The following TTC6 variants were observed in gnomAD, a reference collection of about 807,000 sequenced individuals.
TTC6 encodes the protein tetratricopeptide repeat protein 6.
A neutral mutation model predicts 210.4 loss-of-function variants in TTC6; 172 were observed. The observed-to-expected ratio is 0.82, with a 90% CI of 0.72 to 0.93. The LOEUF is 0.93. Ranked by LOEUF, TTC6 falls within the 40% of genes least tolerant of loss-of-function variation. The probability of loss-of-function intolerance (pLI) is 0.00; values close to 1 mark genes in which losing one functional copy is unlikely to be tolerated. For synonymous variants in TTC6, 804 were observed against 819.6 expected (o/e 0.98, Z 0.32); for missense variants, 2,414 against 2,318.1 (o/e 1.04, Z -0.85).
chr14:37,675,109 G>A (rs551063857), intron 1 of TTC6, among the ~76,000 whole-genome samples: 3 of 151,738 alleles, frequency 2.0e-5, no homozygotes, highest in African/African-American at 7.3e-5. Context: ...CCATCTTACA[G>A]TACACAATTC....
At chr14:37,719,605 A>G (rs778534884) in intron 6 of TTC6, among the ~76,000 whole-genome samples, 17 of 152,174 alleles carry the variant, frequency 1.1e-4, no homozygotes, top group Admixed American at 5.2e-4. Flanking sequence ...ATGGTGTAGG[A>G]TAGTCTTTTC....
chr14:37,768,494 T>C (rs1477533720), intron 14 of TTC6, among the ~76,000 whole-genome samples: 4 of 152,166 alleles, frequency 2.6e-5, no homozygotes, highest in Non-Finnish European at 4.4e-5. Flanking sequence ...TGGTTTGTAG[T>C]TCTCCTTGAA....
At chr14:37,702,165 G>GT (rs2095826704) in intron 5 of TTC6, among the ~76,000 whole-genome samples, 1 of 152,132 alleles carries the variant, frequency 6.6e-6, no homozygotes, top group Admixed American at 6.6e-5. Context: ...ATCTTCAACT[G>GT]TAAGGGAGAA....
At chr14:37,645,097 A>T (rs7144482) in intron 1 of TTC6, among the ~76,000 whole-genome samples, 1,891 of 152,330 alleles carry the variant, frequency 0.012, 34 homozygotes, top group African/African-American at 0.043. Flanking sequence ...AGGGAGTACA[A>T]GTCTGTTTCC....
chr14:37,651,415 ATATATATATATTTTTTTTTTTTTT>A lies in TTC6; in HGVS notation c.939+28414_939+28437del, dbSNP rs1392115715. ...TATATATATATATATATATATATAT[ATATATATATATTTTTTTTTTTTTT>A]TTTTTTTTTTTTTTCCATCCATGAT... is the stretch of plus-strand genomic sequence containing the variant. On this transcript the variant is annotated intron_variant, in intron 1 of 30. Coordinates refer to ENST00000553443, the Ensembl canonical transcript of TTC6. Among the ~76,000 whole-genome samples the A allele has an allele frequency of 9.6e-4, 20 of 20,824 alleles. 1 individual carries two copies. Among genetic ancestry groups the A allele is most frequent in the African/African-American group, 1.3e-3 (5 of 3,930 alleles). 13.7% of individuals were successfully genotyped at this position (20,824 alleles called of 152,430 possible).
chr14:37,786,627 A>G (rs1426939018), intron 14 of TTC6, among the ~76,000 whole-genome samples: 2 of 152,108 alleles, frequency 1.3e-5, no homozygotes, highest in East Asian at 3.9e-4. Flanking sequence ...GGCTGCACCC[A>G]CTGTCCTGCA....
intron 25 of TTC6, among the ~76,000 whole-genome samples, chr14:37,816,303 T>C (rs1371436816): frequency 6.6e-6 from 1 of 152,034 alleles, no homozygotes; most frequent in Admixed American, 6.6e-5. Flanking sequence ...AGCAGAAAAT[T>C]TATCCTACCC....
At chr14:37,667,689 G>C (rs564900462) in intron 1 of TTC6, among the ~76,000 whole-genome samples, 6 of 150,796 alleles carry the variant, frequency 4.0e-5, no homozygotes, top group Admixed American at 2.0e-4. Context: ...AGAATAAGGG[G>C]TGTTTATAAG....
At chr14:37,735,499 T>G (rs947292349) in intron 7 of TTC6, among the ~76,000 whole-genome samples, 3 of 152,184 alleles carry the variant, frequency 2.0e-5, no homozygotes, top group Non-Finnish European at 4.4e-5. Flanking sequence ...AAGGCAAATT[T>G]CATTCCAGTT....
chr14:37,752,517 A>AT (rs11421266), intron 13 of TTC6, among the ~76,000 whole-genome samples: 136,680 of 148,132 alleles, frequency 0.92, 63,830 homozygotes, highest in Non-Finnish European at 0.99. Flanking sequence ...AATCTTTAGG[A>AT]TTTTTTTTTT....
chr14:37,638,201 C>A (rs2139371981), intron 1 of TTC6, among the ~76,000 whole-genome samples: 1 of 152,324 alleles, frequency 6.6e-6, no homozygotes, highest in Non-Finnish European at 1.5e-5. Context: ...AAAAGCCAAT[C>A]TCCAAAAGTT....
At chr14:37,790,451 G>A (rs2096076855) in intron 15 of TTC6, among the ~76,000 whole-genome samples, 1 of 152,112 alleles carries the variant, frequency 6.6e-6, no homozygotes, top group Non-Finnish European at 1.5e-5. Context: ...TATACGGTGA[G>A]TGGACTATGC....
At chr14:37,638,075 A>C (rs2095684512) in intron 1 of TTC6, among the ~76,000 whole-genome samples, 1 of 152,170 alleles carries the variant, frequency 6.6e-6, no homozygotes, top group South Asian at 2.1e-4. Flanking sequence ...CTAACTGTCA[A>C]CAACCCAGAT....
At chr14:37,719,267 G>A (rs866759585) in intron 6 of TTC6, among the ~76,000 whole-genome samples, 1 of 151,742 alleles carries the variant, frequency 6.6e-6, no homozygotes, top group African/African-American at 2.4e-5. Flanking sequence ...TAGTAAACAT[G>A]TCATTTCTCT....
intron 6 of TTC6, among the ~76,000 whole-genome samples, chr14:37,722,707 A>G (rs1230897961): frequency 6.6e-6 from 1 of 152,132 alleles, no homozygotes; most frequent in Non-Finnish European, 1.5e-5. Flanking sequence ...AAAAAGTGCC[A>G]TTTTCATCAG....
intron 1 of TTC6, among the ~76,000 whole-genome samples, chr14:37,634,057 G>A (rs1178521846): frequency 1.3e-5 from 2 of 152,018 alleles, no homozygotes; most frequent in African/African-American, 2.4e-5. Context: ...GGTTTTAATA[G>A]AAAATCACTC....
chr14:37,618,481 C>A (rs2095646251), upstream of TTC6, among the ~76,000 whole-genome samples: 1 of 152,174 alleles, frequency 6.6e-6, no homozygotes, highest in Non-Finnish European at 1.5e-5. Flanking sequence ...ATACTTTTTC[C>A]TTTAGAGACA....
At chr14:37,693,566 C>A (rs781271732) in intron 3 of TTC6, among the ~76,000 whole-genome samples, 12 of 151,924 alleles carry the variant, frequency 7.9e-5, no homozygotes, top group Non-Finnish European at 1.5e-4. Context: ...CCAAAACTAT[C>A]CTAAGCAAAC....
At chr14:37,796,294 A>G in exon 19 of TTC6, 3 of 1,240,544 alleles carry the variant, frequency 2.4e-6, no homozygotes, top group Non-Finnish European at 3.4e-6. Context: ...TTTCTTCCAG[A>G]GGACAATATC....
Sources: allele counts gnomAD v4.1 joint callset (sites outside exome capture counted in the v4.1 genomes callset), GRCh38; gene constraint gnomAD v4.1.1; transcripts MANE v1.5; gene names NCBI Gene and HGNC (gene_info 2026-07-23, HGNC 2026-07-21).